The following PCDH11Y variants were observed in gnomAD, a reference collection of about 807,000 sequenced individuals.
PCDH11Y encodes protocadherin 11 Y-linked.
For missense variants in PCDH11Y, 12 were observed against 224.8 expected (o/e 0.05, Z 6.05); for synonymous variants, 9 against 83.6 (o/e 0.11, Z 4.87).
chrY:5,180,119 AGATTCTGGT>A (rs2052898500), intron 2 of PCDH11Y, among the ~76,000 whole-genome samples: 1 of 32,086 alleles, frequency 3.1e-5, no homozygotes, highest in Non-Finnish European at 7.6e-5. Context: ...AGTGTCCCAG[AGATTCTGGT>A]ACACTGTCTC....
chrY:5,489,467 A>G, intron 2 of PCDH11Y, among the ~76,000 whole-genome samples: 1 of 30,334 alleles, frequency 3.3e-5, no homozygotes, highest in Admixed American at 3.2e-4. Flanking sequence ...AATTATATAT[A>G]TATATATCCA....
intron 2 of PCDH11Y, among the ~76,000 whole-genome samples, chrY:5,159,404 G>A (rs2124644287): frequency 1.1e-3 from 34 of 31,339 alleles, no homozygotes; most frequent in African/African-American, 3.9e-3. Flanking sequence ...AAGCGCTTGT[G>A]AGGACCTAGG....
chrY:5,108,024 A>AGT (rs2052795702), downstream of PCDH11Y, among the ~76,000 whole-genome samples: 1 of 25,583 alleles, frequency 3.9e-5, no homozygotes, highest in Non-Finnish European at 8.9e-5. Flanking sequence ...GCGCCACTGC[A>AGT]CTCCAGCCTG....
intron 3 of PCDH11Y, among the ~76,000 whole-genome samples, chrY:5,048,846 G>A (rs2052647050): frequency 3.0e-5 from 1 of 32,836 alleles, no homozygotes; most frequent in Non-Finnish European, 7.4e-5. Flanking sequence ...TCTGTAGACC[G>A]TCTGTTTACT....
At chrY:5,345,053 TTTGATAAA>T (rs2053150650) in intron 2 of PCDH11Y, among the ~76,000 whole-genome samples, 1 of 34,770 alleles carries the variant, frequency 2.9e-5, no homozygotes, top group Admixed American at 2.6e-4. Context: ...GAAATTCACT[TTTGATAAA>T]GTAATTCAAA....
chrY:5,198,693 T>A, intron 2 of PCDH11Y, among the ~76,000 whole-genome samples: 1 of 33,215 alleles, frequency 3.0e-5, no homozygotes, highest in East Asian at 7.8e-4. Flanking sequence ...CAGCCAGTTA[T>A]ACATGATTTA....
At chrY:5,273,151 C>CA (rs2053039233) in intron 2 of PCDH11Y, among the ~76,000 whole-genome samples, 1 of 33,621 alleles carries the variant, frequency 3.0e-5, no homozygotes, top group Non-Finnish European at 7.4e-5. Flanking sequence ...CTAAATGTGG[C>CA]AAAAAGTCTG....
intron 4 of PCDH11Y, among the ~76,000 whole-genome samples, chrY:5,620,764 A>T (rs2053498676): frequency 8.9e-5 from 3 of 33,615 alleles, no homozygotes; most frequent in African/African-American, 3.5e-4. Context: ...ACGAGTCAAT[A>T]AATGTAATTC....
intron 2 of PCDH11Y, among the ~76,000 whole-genome samples, chrY:5,490,188 C>T: frequency 6.1e-5 from 2 of 33,013 alleles, no homozygotes; most frequent in Non-Finnish European, 1.5e-4. Flanking sequence ...ATTTATTTCT[C>T]AGAGTTCTGG....
chrY:5,212,272 AG>A (rs2052939664), intron 2 of PCDH11Y, among the ~76,000 whole-genome samples: 1 of 31,921 alleles, frequency 3.1e-5, no homozygotes, highest in Non-Finnish European at 7.6e-5. Flanking sequence ...AAGAGTCATT[AG>A]AAAAAAAGAG....
intron 2 of PCDH11Y, among the ~76,000 whole-genome samples, chrY:5,209,935 G>A (rs2052936631): frequency 3.0e-5 from 1 of 33,337 alleles, no homozygotes; most frequent in African/African-American, 1.2e-4. Context: ...GGTGGCGCAT[G>A]CCTATAATCC....
At chrY:5,318,382 A>G (rs2124665458) in intron 2 of PCDH11Y, among the ~76,000 whole-genome samples, 5 of 32,714 alleles carry the variant, frequency 1.5e-4, no homozygotes, top group Non-Finnish European at 3.8e-4. Flanking sequence ...CTCATCACGG[A>G]AAGTGACTCA....
At chrY:5,617,312 A>T (rs2124701764) in intron 4 of PCDH11Y, among the ~76,000 whole-genome samples, 1 of 33,611 alleles carries the variant, frequency 3.0e-5, no homozygotes, top group African/African-American at 1.1e-4. Context: ...TGTAAACTAT[A>T]GCAAGGATTT....
intron 2 of PCDH11Y, among the ~76,000 whole-genome samples, chrY:5,233,234 G>T: frequency 3.1e-5 from 1 of 31,971 alleles, no homozygotes; most frequent in African/African-American, 1.2e-4. Context: ...TATAGGTAGA[G>T]CTTTCTATTC....
At chrY:5,728,970 G>A in intron 4 of PCDH11Y, among the ~76,000 whole-genome samples, 2 of 33,387 alleles carry the variant, frequency 6.0e-5, no homozygotes, top group African/African-American at 2.3e-4. Flanking sequence ...TTTAAAGACT[G>A]CGTATATCCT....
intron 3 of PCDH11Y, among the ~76,000 whole-genome samples, chrY:5,527,251 A>G: frequency 3.0e-5 from 1 of 33,231 alleles, no homozygotes; most frequent in South Asian, 6.8e-4. Flanking sequence ...TAAAACTAGC[A>G]GTGCAGCAAG....
intron 3 of PCDH11Y, among the ~76,000 whole-genome samples, chrY:5,040,873 T>C: frequency 6.1e-5 from 2 of 32,755 alleles, no homozygotes; most frequent in Admixed American, 5.6e-4. Context: ...GTGAAGGTCA[T>C]GCATAAAATA....
At chrY:5,615,564 T>C in intron 4 of PCDH11Y, among the ~76,000 whole-genome samples, 2 of 33,971 alleles carry the variant, frequency 5.9e-5, no homozygotes, top group East Asian at 1.6e-3. Context: ...TGTTTAATTA[T>C]ATAATAATTA....
intron 2 of PCDH11Y, among the ~76,000 whole-genome samples, chrY:5,138,401 G>A (rs2052843695): frequency 3.2e-5 from 1 of 31,683 alleles, no homozygotes; most frequent in Non-Finnish European, 7.8e-5. Context: ...AAGAAATAAC[G>A]AAGACCAGAG....
Sources: allele counts gnomAD v4.1 joint callset (sites outside exome capture counted in the v4.1 genomes callset), GRCh38; gene constraint gnomAD v4.1.1; transcripts MANE v1.5; gene names NCBI Gene and HGNC (gene_info 2026-07-23, HGNC 2026-07-21).